Variants in RB1CC1 observed in about 807,000 individuals in gnomAD.
RB1CC1 encodes the protein RB1 inducible coiled-coil 1.
Under a neutral mutation model 177.5 loss-of-function variants are expected in RB1CC1, and 46 were observed. The ratio of observed to expected loss-of-function variants is 0.26; its 90% CI spans 0.20 to 0.33. The LOEUF is 0.33. Ranked by LOEUF, RB1CC1 falls within the 10% of genes least tolerant of loss-of-function variation. The pLI is 1.00. For synonymous variants in RB1CC1, 666 were observed against 613.6 expected (o/e 1.09, Z -1.26); for missense variants, 1,703 against 1,816.3 (o/e 0.94, Z 1.13).
chr8:52,652,281 A>G, intron 15 of RB1CC1, among the ~76,000 whole-genome samples: 1 of 152,076 alleles, frequency 6.6e-6, no homozygotes. Flanking sequence ...CCTGGCTAAC[A>G]TGGCGAAACC....
chr8:52,675,502 T>TA (rs754932960), intron 6 of RB1CC1, among the ~76,000 whole-genome samples: 18 of 151,848 alleles, frequency 1.2e-4, no homozygotes, highest in Admixed American at 4.6e-4. Context: ...ACAGCCCTTT[T>TA]AAAAAAAGAA....
intron 1 of RB1CC1, among the ~76,000 whole-genome samples, chr8:52,689,225 A>C (rs1486354840): frequency 6.6e-6 from 1 of 152,138 alleles, no homozygotes; most frequent in African/African-American, 2.4e-5. Flanking sequence ...CTCTTTGTTG[A>C]TGAAGTCTAG....
chr8:52,629,480 A>C (rs954624021), intron 21 of RB1CC1, among the ~76,000 whole-genome samples: 2 of 152,128 alleles, frequency 1.3e-5, no homozygotes, highest in African/African-American at 4.8e-5. Context: ...CAACCATCTG[A>C]ATGAACTTCC....
At chr8:52,624,621 A>C in intron 23 of RB1CC1, 96 bp downstream of exon 23, 1 of 999,918 alleles carries the variant, frequency 1.0e-6, no homozygotes, top group Non-Finnish European at 1.5e-6. Flanking sequence ...ATGAGCATAA[A>C]GGCCAAGAAC....
chr8:52,657,059 T>C lies in RB1CC1; in HGVS notation c.2770A>G (p.Ile924Val). 1.9e-6 allele frequency: 3 copies of C among 1,612,356 alleles called. No individual in the cohort carries two copies. Among genetic ancestry groups the C allele is most frequent in the Non-Finnish European group, 2.5e-6 (3 of 1,179,666 alleles). Residue 924 changes from isoleucine to valine, a missense_variant, in exon 15 of 24, where the codon ATC becomes GTC. Coordinates refer to ENST00000025008, the MANE Select transcript of RB1CC1 (RefSeq NM_014781.5). ...ALVKHEKEAV[I>V]CLQNEKDQKL... ...TGATCCTTTTCATTCTGCAGGCAGATTACAGCTTCTTTTTCATGTTTAACC... is the reference window on the plus strand; with the variant it reads ...TGATCCTTTTCATTCTGCAGGCAGACTACAGCTTCTTTTTCATGTTTAACC...
rs1417726307 is a variant in RB1CC1 at position 52,622,797 on chromosome 8, T to C, written c.*985A>G. 2 of 152,088 alleles carry C rather than the reference T, an allele frequency of 1.3e-5. No homozygotes were observed. Among genetic ancestry groups the C allele is most frequent in the Admixed American group, 6.6e-5 (1 of 15,214 alleles). 9.4% of individuals were successfully genotyped at this position (152,088 alleles called of 1,614,324 possible). On this transcript the variant is annotated 3_prime_UTR_variant, in exon 24 of 24. Transcript: ENST00000025008. ...AACATTTTTGTAATAAACATGTTTC[T>C]CTTTGATATGATACATAACAATATT...
intron 18 of RB1CC1, 130 bp from the exon 19 acceptor site, chr8:52,636,199 T>G (rs1363689869): frequency 1.0e-6 from 1 of 971,944 alleles, no homozygotes; most frequent in Non-Finnish European, 1.4e-6. Context: ...CAAAAGTAGC[T>G]TATTTCAGTT....
rs1854296026 is a variant in RB1CC1, at chr8:52,686,601, T to C, written c.-52+252A>G. ...AATAATGACATAAAAAGGGGACAGA[T>C]TTCATGGTCTAGCATTTTACTTTCA... is the stretch of plus-strand genomic sequence containing the variant. On this transcript the variant is annotated intron_variant, in intron 2 of 23. Transcript: ENST00000025008. Among the ~76,000 whole-genome samples, 3 of 152,082 alleles carry C rather than the reference T, an allele frequency of 2.0e-5. No individual in the cohort carries two copies. In the South Asian group the frequency reaches 6.2e-4, roughly 32 times the overall value.
intron 20 of RB1CC1, 38 bp downstream of exon 20, chr8:52,634,883 A>G (rs1849011525): frequency 6.7e-7 from 1 of 1,490,576 alleles, no homozygotes; most frequent in East Asian, 2.3e-5. Flanking sequence ...AATCATTTAA[A>G]AATGTTAAGA....
rs983293199 is a variant in RB1CC1, at chr8:52,656,151, G to T, written c.3678C>A (p.Asp1226Glu). 3.7e-6 allele frequency: 6 copies of T among 1,613,760 alleles called. No homozygotes were observed. The highest frequency in any genetic ancestry group is 1.1e-5 in the South Asian group (1 of 91,068). Reference sequence around the variant, plus strand: ...TAAGCTTCTGAATTAACTGTTCTCTGTCTTGCTCCTGGCTGCTGACCAATT... The same window carrying T: ...TAAGCTTCTGAATTAACTGTTCTCTTTCTTGCTCCTGGCTGCTGACCAATT... ...RQKLVSSQEQ[D>E]REQLIQKLNC... Residue 1226 changes from aspartate to glutamate, a missense_variant, in exon 15 of 24, where the codon GAC becomes GAA. Transcript: ENST00000025008.
intron 18 of RB1CC1, among the ~76,000 whole-genome samples, chr8:52,638,030 T>C (rs1435916945): frequency 6.6e-6 from 1 of 152,148 alleles, no homozygotes; most frequent in Non-Finnish European, 1.5e-5. Flanking sequence ...AAGTACAATG[T>C]TGAGCAGCAG....
intron 5 of RB1CC1, among the ~76,000 whole-genome samples, chr8:52,678,954 T>G (rs1486186904): frequency 6.6e-6 from 1 of 152,070 alleles, no homozygotes; most frequent in Non-Finnish European, 1.5e-5. Context: ...TTCTCCTTCA[T>G]GAAACCAACC....
intron 8 of RB1CC1, among the ~76,000 whole-genome samples, chr8:52,666,668 G>A (rs189655329): frequency 3.9e-3 from 588 of 152,180 alleles, no homozygotes; most frequent in Non-Finnish European, 6.1e-3. Context: ...CTAAATATTT[G>A]GGTAGAGAAT....
intron 1 of RB1CC1, among the ~76,000 whole-genome samples, chr8:52,692,446 T>C (rs1232656709): frequency 2.0e-5 from 3 of 152,188 alleles, no homozygotes; most frequent in Non-Finnish European, 4.4e-5. Context: ...TAGCTTCCAT[T>C]GACTGGAAAC....
intron 7 of RB1CC1, among the ~76,000 whole-genome samples, chr8:52,672,191 A>G (rs1328723394): frequency 6.6e-6 from 1 of 152,154 alleles, no homozygotes; most frequent in Non-Finnish European, 1.5e-5. Context: ...TATGTTGCCC[A>G]AGCTGGTCTT....
At chr8:52,639,176 A>C (rs1383018820) in intron 18 of RB1CC1, among the ~76,000 whole-genome samples, 2 of 152,136 alleles carry the variant, frequency 1.3e-5, no homozygotes, top group Non-Finnish European at 2.9e-5. Context: ...ATGATATCTT[A>C]ATAATACTCC....
chr8:52,648,935 A>T (rs1021644506), intron 15 of RB1CC1, among the ~76,000 whole-genome samples: 15 of 152,226 alleles, frequency 9.9e-5, no homozygotes. Flanking sequence ...CTTGAACACA[A>T]GGACTGCAAT....
intron 15 of RB1CC1, among the ~76,000 whole-genome samples, chr8:52,648,287 T>C (rs528567680): frequency 1.5e-4 from 23 of 152,320 alleles, no homozygotes; most frequent in Non-Finnish European, 3.1e-4. Context: ...TGTGGCTGTA[T>C]TAATCCGGCC....
chr8:52,636,241 T>C (rs1403781201), intron 18 of RB1CC1, among the ~76,000 whole-genome samples, 172 bp from the exon 19 acceptor site: 2 of 152,336 alleles, frequency 1.3e-5, no homozygotes, highest in East Asian at 1.9e-4. Flanking sequence ...ATATTCTCTG[T>C]AGCAGACCTA....
Sources: allele counts gnomAD v4.1 joint callset (sites outside exome capture counted in the v4.1 genomes callset), GRCh38; gene constraint gnomAD v4.1.1; transcripts MANE v1.5; gene names NCBI Gene and HGNC (gene_info 2026-07-23, HGNC 2026-07-21).